Variants in MAGI2 observed in about 807,000 individuals in gnomAD.
The protein encoded by MAGI2 is membrane-associated guanylate kinase, WW and PDZ domain-containing protein 2.
Under a neutral mutation model 133.3 loss-of-function variants are expected in MAGI2, and 35 were observed. The ratio of observed to expected loss-of-function variants is 0.26; its 90% CI spans 0.20 to 0.35. MAGI2 has a LOEUF of 0.35. Among genes scored for constraint, MAGI2 ranks in the 10% least tolerant of loss-of-function variants. The pLI is 1.00. For missense variants in MAGI2, 1,636 were observed against 1,863.4 expected (o/e 0.88, Z 2.25); for synonymous variants, 729 against 710.6 (o/e 1.03, Z -0.41).
rs370983620 is a variant in MAGI2, at chr7:78,803,672, C to T, written c.419-176433G>A. 1.0e-3 allele frequency among the ~76,000 whole-genome samples: 159 copies of T among 152,114 alleles called. 4 individuals are homozygous for T. The South Asian group carries it at 0.029, about 28-fold the overall frequency. Reference sequence around the variant, plus strand: ...AAAAGGGGGAAAAAGGAAATGCTGACGCGTGTGTTGAATAATATTTATGGC... The same window carrying T: ...AAAAGGGGGAAAAAGGAAATGCTGATGCGTGTGTTGAATAATATTTATGGC... On this transcript the variant is annotated intron_variant, in intron 2 of 21. Coordinates refer to ENST00000354212, the MANE Select transcript of MAGI2 (RefSeq NM_012301.4).
intron 6 of MAGI2, among the ~76,000 whole-genome samples, chr7:78,420,419 C>G (rs940800730): frequency 2.0e-5 from 3 of 152,114 alleles, no homozygotes; most frequent in Non-Finnish European, 4.4e-5. Flanking sequence ...AAATAAAAAT[C>G]CAATAAAGTT....
At chr7:78,533,217 GC>G (rs1164325711) in intron 3 of MAGI2, among the ~76,000 whole-genome samples, 2 of 152,110 alleles carry the variant, frequency 1.3e-5, no homozygotes, top group Non-Finnish European at 2.9e-5. Flanking sequence ...ATGTAACTTG[GC>G]CTTTCATACC....
intron 1 of MAGI2, among the ~76,000 whole-genome samples, chr7:79,224,408 T>G (rs1830682535): frequency 6.6e-6 from 1 of 152,038 alleles, no homozygotes; most frequent in Non-Finnish European, 1.5e-5. Context: ...CAGTGAGTAC[T>G]TTATGCTGTT....
At chr7:78,047,986 G>C (rs1297555241) in intron 21 of MAGI2, among the ~76,000 whole-genome samples, 1 of 152,186 alleles carries the variant, frequency 6.6e-6, no homozygotes, top group African/African-American at 2.4e-5. Flanking sequence ...TTCTGAGCAC[G>C]TGTTGGCTGA....
At chr7:79,182,621 T>G (rs1407808063) in intron 1 of MAGI2, among the ~76,000 whole-genome samples, 4 of 151,900 alleles carry the variant, frequency 2.6e-5, no homozygotes, top group Non-Finnish European at 4.4e-5. Flanking sequence ...TGAAAAATAG[T>G]ATGAAGATTT....
intron 1 of MAGI2, among the ~76,000 whole-genome samples, chr7:79,098,292 C>A (rs1817682611): frequency 6.6e-6 from 1 of 152,090 alleles, no homozygotes; most frequent in Non-Finnish European, 1.5e-5. Context: ...TTAGTGGTAG[C>A]CCTATCAGCC....
At chr7:79,313,584 C>T (rs1838464313) in intron 1 of MAGI2, among the ~76,000 whole-genome samples, 1 of 152,096 alleles carries the variant, frequency 6.6e-6, no homozygotes, top group African/African-American at 2.4e-5. Flanking sequence ...CCAACTTAAA[C>T]TCAAACAAGA....
chr7:78,754,052 C>G (rs1823710527), intron 2 of MAGI2, among the ~76,000 whole-genome samples: 1 of 152,074 alleles, frequency 6.6e-6, no homozygotes, highest in South Asian at 2.1e-4. Context: ...CTGATGGAAA[C>G]TTGCATATTT....
At chr7:78,244,178 AAAAAAAAAAAAAAAAG>A (rs1791498843) in intron 10 of MAGI2, among the ~76,000 whole-genome samples, 1 of 149,254 alleles carries the variant, frequency 6.7e-6, no homozygotes, top group Admixed American at 6.7e-5. Flanking sequence ...AAAAAAAAAA[AAAAAAAAAAAAAAAAG>A]AAAAAGAAAT....
chr7:78,775,837 C>T (rs532870040), intron 2 of MAGI2, among the ~76,000 whole-genome samples: 3 of 152,298 alleles, frequency 2.0e-5, no homozygotes, highest in South Asian at 2.1e-4. Context: ...ACTGGTGCTA[C>T]ACAATTAACA....
intron 6 of MAGI2, among the ~76,000 whole-genome samples, chr7:78,451,477 C>T (rs1788715436): frequency 6.6e-6 from 1 of 152,038 alleles, no homozygotes; most frequent in Non-Finnish European, 1.5e-5. Flanking sequence ...AATTTCAGAG[C>T]TTCCCGTGAG....
At chr7:78,759,165 A>G (rs1366009853) in intron 2 of MAGI2, among the ~76,000 whole-genome samples, 1 of 152,182 alleles carries the variant, frequency 6.6e-6, no homozygotes, top group Non-Finnish European at 1.5e-5. Context: ...TGTCAATAAA[A>G]TAACAAAATA....
At chr7:79,022,639 C>G (rs1274794186) in intron 1 of MAGI2, among the ~76,000 whole-genome samples, 1 of 81,734 alleles carries the variant, frequency 1.2e-5, no homozygotes, top group Admixed American at 1.3e-4. Flanking sequence ...TAAAAAGAGA[C>G]AAGATCCAAA....
intron 1 of MAGI2, among the ~76,000 whole-genome samples, chr7:79,166,276 A>G (rs1054206852): frequency 2.6e-5 from 4 of 152,082 alleles, no homozygotes; most frequent in African/African-American, 9.7e-5. Flanking sequence ...ATTACATTGT[A>G]TGAGACCGAC....
chr7:78,621,932 G>T (rs1563254824), intron 3 of MAGI2, among the ~76,000 whole-genome samples: 1 of 152,016 alleles, frequency 6.6e-6, no homozygotes, highest in Non-Finnish European at 1.5e-5. Flanking sequence ...TTTTTCGGAT[G>T]AGTGTTTCCT....
intron 2 of MAGI2, among the ~76,000 whole-genome samples, chr7:78,853,765 C>T (rs139857633): frequency 2.4e-4 from 36 of 152,022 alleles, no homozygotes; most frequent in Non-Finnish European, 4.6e-4. Flanking sequence ...TGTGCAGGAC[C>T]TGTGGATCAT....
At chr7:78,461,916 CAAAAAAAAAAAAAAAA>C (rs55811983) in intron 6 of MAGI2, among the ~76,000 whole-genome samples, 2 of 30,538 alleles carry the variant, frequency 6.5e-5, no homozygotes, top group African/African-American at 2.2e-4. Context: ...AATTCCGTCT[CAAAAAAAAAAAAAAAA>C]AAAAAAAAAA....
intron 1 of MAGI2, among the ~76,000 whole-genome samples, chr7:79,245,331 G>A (rs1832741834): frequency 6.6e-6 from 1 of 152,180 alleles, no homozygotes. Context: ...GACTCATAGG[G>A]TCTCCAATTC....
chr7:78,314,946 C>T (rs894429395), intron 9 of MAGI2, among the ~76,000 whole-genome samples: 39 of 152,150 alleles, frequency 2.6e-4, no homozygotes, highest in Admixed American at 1.6e-3. Context: ...CCCTTTATTA[C>T]GGGTGGACTT....
Sources: allele counts gnomAD v4.1 joint callset (sites outside exome capture counted in the v4.1 genomes callset), GRCh38; gene constraint gnomAD v4.1.1; transcripts MANE v1.5; gene names NCBI Gene and HGNC (gene_info 2026-07-23, HGNC 2026-07-21).